The following RAB12 variants were observed in gnomAD, a reference collection of about 807,000 sequenced individuals.
RAB12 encodes RAB12, member RAS oncogene family, also known as ras-related protein Rab-12.
Under a neutral mutation model 28.4 loss-of-function variants are expected in RAB12, and 11 were observed. The ratio of observed to expected loss-of-function variants is 0.39; its 90% CI spans 0.24 to 0.64. The LOEUF (loss-of-function observed/expected upper bound fraction) is 0.64, where lower values mean the gene tolerates loss of function less well. RAB12 is among the 30% of genes least tolerant of loss of function. The probability of loss-of-function intolerance (pLI) is 0.50; values close to 1 mark genes in which losing one functional copy is unlikely to be tolerated. For synonymous variants in RAB12, 138 were observed against 145.3 expected (o/e 0.95, Z 0.36); for missense variants, 276 against 351.1 (o/e 0.79, Z 1.71).
intron 2 of RAB12, among the ~76,000 whole-genome samples, chr18:8,630,806 G>T (rs1025380543): frequency 6.6e-6 from 1 of 152,184 alleles, no homozygotes; most frequent in Non-Finnish European, 1.5e-5. Flanking sequence ...AACCTATCTG[G>T]TATCTCTCCT....
At chr18:8,621,572 T>C (rs990630248) in intron 1 of RAB12, among the ~76,000 whole-genome samples, 2 of 152,222 alleles carry the variant, frequency 1.3e-5, no homozygotes, top group East Asian at 1.9e-4. Context: ...TATAAGATAG[T>C]CTTCATTTTG....
At chr18:8,616,292 C>G (rs897344078) in intron 1 of RAB12, among the ~76,000 whole-genome samples, 3 of 151,208 alleles carry the variant, frequency 2.0e-5, no homozygotes, top group Non-Finnish European at 4.4e-5. Flanking sequence ...TCCTTTTGTC[C>G]TTTAATTCAC....
intron 1 of RAB12, among the ~76,000 whole-genome samples, chr18:8,621,608 G>GT (rs1464969415): frequency 2.0e-5 from 3 of 151,794 alleles, no homozygotes; most frequent in East Asian, 3.9e-4. Flanking sequence ...TTTTTCTTTT[G>GT]TTTTTTTCCT....
intron 1 of RAB12, among the ~76,000 whole-genome samples, chr18:8,623,500 C>T (rs1337486261): frequency 2.6e-5 from 4 of 152,228 alleles, no homozygotes; most frequent in African/African-American, 7.2e-5. Flanking sequence ...TTAAACTGTG[C>T]TGCTTTAAAC....
At chr18:8,619,287 C>T (rs2096008457) in intron 1 of RAB12, among the ~76,000 whole-genome samples, 1 of 152,222 alleles carries the variant, frequency 6.6e-6, no homozygotes, top group African/African-American at 2.4e-5. Flanking sequence ...ATGTGGACCA[C>T]AGTGGTGGTT....
intron 1 of RAB12, among the ~76,000 whole-genome samples, chr18:8,611,595 A>C (rs913610788): frequency 1.3e-5 from 2 of 152,196 alleles, no homozygotes; most frequent in Non-Finnish European, 2.9e-5. Flanking sequence ...CTTGACCGCC[A>C]TGCTAAGGAG....
intron 5 of RAB12, 69 bp downstream of exon 5, chr18:8,636,426 A>G: frequency 2.0e-6 from 2 of 1,010,950 alleles, no homozygotes. Context: ...TTGCTTTTTT[A>G]TTGAGAATTT....
intron 2 of RAB12, among the ~76,000 whole-genome samples, chr18:8,629,013 T>C (rs1026282429): frequency 1.3e-5 from 2 of 152,252 alleles, no homozygotes; most frequent in Non-Finnish European, 2.9e-5. Flanking sequence ...TTCAGCGATA[T>C]TGTGTTAACC....
chr18:8,621,464 C>T (rs1375524804), intron 1 of RAB12, among the ~76,000 whole-genome samples: 1 of 152,070 alleles, frequency 6.6e-6, no homozygotes, highest in African/African-American at 2.4e-5. Flanking sequence ...TGTTTAAGAG[C>T]GAGGACTGTT....
intron 4 of RAB12, 50 bp from the exon 5 acceptor site, chr18:8,636,203 C>G: frequency 7.9e-7 from 1 of 1,259,178 alleles, no homozygotes; most frequent in Non-Finnish European, 1.2e-6. Context: ...TGCTCGCACG[C>G]TGGTCTGTGA....
At chr18:8,626,162 T>C (rs544864872) in intron 2 of RAB12, among the ~76,000 whole-genome samples, 5 of 152,376 alleles carry the variant, frequency 3.3e-5, no homozygotes, top group Admixed American at 6.5e-5. Flanking sequence ...AAACAACAAA[T>C]AGATATTTCT....
chr18:8,613,435 A>G (rs1176524212), intron 1 of RAB12, among the ~76,000 whole-genome samples: 2 of 152,126 alleles, frequency 1.3e-5, no homozygotes, highest in Admixed American at 6.6e-5. Flanking sequence ...GCAAGTTGAC[A>G]TTATTGCTTC....
chr18:8,638,407 G>T lies in RAB12; in HGVS notation c.*145G>T, dbSNP rs2096020210. On this transcript the variant is annotated 3_prime_UTR_variant, in exon 6 of 6. Coordinates refer to ENST00000649141, the MANE Select transcript of RAB12 (RefSeq NM_001025300.3). ...CACTAACTTGTAAATATGCATATAT[G>T]CAATCCTGGGTAAGTTTTGGTTATA... The T allele has an allele frequency of 3.3e-6, 2 of 610,408 alleles. No individual in the cohort carries two copies. Among genetic ancestry groups the T allele is most frequent in the South Asian group, 3.9e-5 (2 of 50,844 alleles). 37.8% of individuals were successfully genotyped at this position (610,408 alleles called of 1,614,324 possible). A position where few individuals can be genotyped will look rare whatever the true frequency, so the allele number is the denominator to read the frequency against.
At chr18:8,628,524 A>C (rs2096014118) in intron 2 of RAB12, among the ~76,000 whole-genome samples, 2 of 152,198 alleles carry the variant, frequency 1.3e-5, no homozygotes, top group Admixed American at 1.3e-4. Flanking sequence ...AATGGGCTTA[A>C]ATGGGGAGTG....
intron 2 of RAB12, among the ~76,000 whole-genome samples, chr18:8,625,768 C>T (rs1041582974): frequency 2.0e-5 from 3 of 152,296 alleles, no homozygotes; most frequent in East Asian, 1.9e-4. Flanking sequence ...GCTACAGCTG[C>T]GGTGTACTCA....
intron 2 of RAB12, among the ~76,000 whole-genome samples, 170 bp downstream of exon 2, chr18:8,625,168 G>A (rs1332412208): frequency 6.6e-6 from 1 of 152,198 alleles, no homozygotes; most frequent in East Asian, 1.9e-4. Context: ...ATTTAGATAA[G>A]GCTGTTATGT....
At chr18:8,617,381 A>C (rs2096007279) in intron 1 of RAB12, among the ~76,000 whole-genome samples, 1 of 152,078 alleles carries the variant, frequency 6.6e-6, no homozygotes, top group African/African-American at 2.4e-5. Flanking sequence ...TCATGGATCC[A>C]TTCTGAGTAG....
Position 8,622,971 on chromosome 18 carries a change from T to C in RAB12, c.515-1967T>C, listed in dbSNP as rs8085886. On this transcript the variant is annotated intron_variant, in intron 1 of 5. Coordinates refer to ENST00000649141, the MANE Select transcript of RAB12 (RefSeq NM_001025300.3). ...GCCCGGCTCACCAGCTGTCAGAGTTTAAGGTGATCTCTCTTGTTCCCTGAA... is the reference window on the plus strand; with the variant it reads ...GCCCGGCTCACCAGCTGTCAGAGTTCAAGGTGATCTCTCTTGTTCCCTGAA... Among the ~76,000 whole-genome samples the C allele has an allele frequency of 4.3e-3, 661 of 152,332 alleles. 4 individuals carry two copies. The highest frequency in any genetic ancestry group is 0.014 in the African/African-American group (594 of 41,574).
chr18:8,623,702 T>C (rs1161639876), intron 1 of RAB12, among the ~76,000 whole-genome samples: 8 of 152,242 alleles, frequency 5.3e-5, no homozygotes, highest in Admixed American at 5.2e-4. Context: ...GAAAGTGAAA[T>C]TGAATTAAGT....
Sources: gnomAD v4.1 joint callset for allele counts (sites outside exome capture counted in the v4.1 genomes callset) on GRCh38, gnomAD v4.1.1 for gene constraint, MANE v1.5 for transcripts, NCBI Gene and HGNC (gene_info 2026-07-23, HGNC 2026-07-21) for gene names.